The following DPP10 variants were observed in gnomAD, a reference collection of about 807,000 sequenced individuals.
DPP10 encodes dipeptidyl peptidase like 10, also known as inactive dipeptidyl peptidase 10.
Under a neutral mutation model 120.9 loss-of-function variants are expected in DPP10, and 33 were observed. That is an observed-to-expected ratio of 0.27 (90% CI 0.21 to 0.37). The LOEUF (loss-of-function observed/expected upper bound fraction) is 0.37. DPP10 is among the 10% of genes least tolerant of loss of function. DPP10 has a pLI of 1.00. For missense variants in DPP10, 816 were observed against 942.8 expected (o/e 0.87, Z 1.76); for synonymous variants, 337 against 326.1 (o/e 1.03, Z -0.36).
intron 1 of DPP10, among the ~76,000 whole-genome samples, chr2:114,476,127 C>G (rs942601889): frequency 6.6e-6 from 1 of 152,260 alleles, no homozygotes; most frequent in Admixed American, 6.5e-5. Flanking sequence ...TCTATCATTC[C>G]TACTTATTGC....
intron 1 of DPP10, among the ~76,000 whole-genome samples, chr2:114,813,834 A>G (rs1369068126): frequency 2.0e-5 from 3 of 151,888 alleles, no homozygotes; most frequent in Non-Finnish European, 4.4e-5. Flanking sequence ...CATCAAGAAT[A>G]TGCTTGTAAC....
intron 1 of DPP10, among the ~76,000 whole-genome samples, chr2:114,878,418 T>C (rs932705809): frequency 3.9e-5 from 6 of 152,144 alleles, no homozygotes; most frequent in African/African-American, 1.4e-4. Flanking sequence ...ATTTATCATT[T>C]CTTTGTGTTG....
chr2:115,334,246 T>TTTTTTTTTTTTTTTG, intron 2 of DPP10, among the ~76,000 whole-genome samples: 1 of 143,970 alleles, frequency 6.9e-6, no homozygotes. Context: ...TTTTTTTTTT[T>TTTTTTTTTTTTTTTG]AAGAAACCTA....
At chr2:114,861,651 C>G (rs1689815814) in intron 1 of DPP10, among the ~76,000 whole-genome samples, 1 of 152,166 alleles carries the variant, frequency 6.6e-6, no homozygotes, top group African/African-American at 2.4e-5. Context: ...GTTGAATTAA[C>G]AAGCCAGCTG....
chr2:115,200,679 A>G (rs1044334716), intron 1 of DPP10, among the ~76,000 whole-genome samples: 5 of 152,222 alleles, frequency 3.3e-5, no homozygotes, highest in African/African-American at 9.6e-5. Flanking sequence ...ATTTTGACAC[A>G]GAATGTTCTA....
At chr2:114,751,893 G>A (rs1054429973) in intron 1 of DPP10, among the ~76,000 whole-genome samples, 19 of 152,040 alleles carry the variant, frequency 1.2e-4, no homozygotes, top group East Asian at 5.8e-4. Context: ...CTTACCAGTC[G>A]CCCGGGATTT....
intron 3 of DPP10, among the ~76,000 whole-genome samples, chr2:115,456,674 G>A (rs551140909): frequency 6.6e-6 from 1 of 152,176 alleles, no homozygotes; most frequent in South Asian, 2.1e-4. Flanking sequence ...CATGGATGAA[G>A]CTGGAAACCA....
At chr2:115,617,906 A>G (rs913949081) in intron 5 of DPP10, among the ~76,000 whole-genome samples, 3 of 152,164 alleles carry the variant, frequency 2.0e-5, no homozygotes, top group African/African-American at 7.2e-5. Context: ...TATTGTAACA[A>G]TATACTGTAA....
At chr2:115,079,723 A>G (rs1384832715) in intron 1 of DPP10, among the ~76,000 whole-genome samples, 1 of 152,198 alleles carries the variant, frequency 6.6e-6, no homozygotes, top group African/African-American at 2.4e-5. Context: ...GTGAGAGAGA[A>G]GTGTCTAGAG....
At chr2:115,454,100 G>A (rs1400491636) in intron 3 of DPP10, among the ~76,000 whole-genome samples, 1 of 151,426 alleles carries the variant, frequency 6.6e-6, no homozygotes, top group East Asian at 1.9e-4. Context: ...TAAAATAAAA[G>A]CCCTCTATCT....
At chr2:115,024,506 CTTATTT>C (rs1559006256) in intron 1 of DPP10, among the ~76,000 whole-genome samples, 1 of 151,358 alleles carries the variant, frequency 6.6e-6, no homozygotes, top group African/African-American at 2.4e-5. Flanking sequence ...ACATATTTTT[CTTATTT>C]TTATTTATAC....
chr2:115,783,407 T>G (rs1682991993), intron 17 of DPP10, among the ~76,000 whole-genome samples: 1 of 152,166 alleles, frequency 6.6e-6, no homozygotes, highest in African/African-American at 2.4e-5. Context: ...TTGCATACTC[T>G]TATTTAAGTA....
chr2:115,175,464 A>G (rs1261451203), intron 1 of DPP10, among the ~76,000 whole-genome samples: 1 of 152,192 alleles, frequency 6.6e-6, no homozygotes, highest in Non-Finnish European at 1.5e-5. Context: ...AGAGAGAATC[A>G]CCACTTGCAC....
At chr2:115,611,753 T>C (rs1002190572) in intron 5 of DPP10, among the ~76,000 whole-genome samples, 1 of 152,138 alleles carries the variant, frequency 6.6e-6, no homozygotes, top group African/African-American at 2.4e-5. Flanking sequence ...TCAGAAGCTC[T>C]GTGTTAGCCT....
chr2:114,664,327 A>C (rs986879549), intron 1 of DPP10, among the ~76,000 whole-genome samples: 1 of 152,004 alleles, frequency 6.6e-6, no homozygotes, highest in Middle Eastern at 3.4e-3. Context: ...AGTATAGTTC[A>C]GTAGAAAGTC....
intron 3 of DPP10, among the ~76,000 whole-genome samples, chr2:115,387,410 G>T (rs1305293754): frequency 6.6e-6 from 1 of 152,144 alleles, no homozygotes; most frequent in Non-Finnish European, 1.5e-5. Flanking sequence ...AAATTTCTCA[G>T]TAGGCATCTG....
intron 4 of DPP10, among the ~76,000 whole-genome samples, 196 bp downstream of exon 4, chr2:115,499,800 G>C (rs144222031): frequency 2.0e-5 from 3 of 151,720 alleles, no homozygotes; most frequent in African/African-American, 7.3e-5. Context: ...TTTTCTTCCC[G>C]TTTACTCTTG....
At chr2:115,120,600 C>T (rs2049772615) in intron 1 of DPP10, among the ~76,000 whole-genome samples, 1 of 152,212 alleles carries the variant, frequency 6.6e-6, no homozygotes, top group Admixed American at 6.5e-5. Flanking sequence ...AGCAGGCAAG[C>T]AGTACAGTTA....
intron 1 of DPP10, among the ~76,000 whole-genome samples, chr2:115,004,473 G>T (rs1053977416): frequency 6.6e-6 from 1 of 152,192 alleles, no homozygotes; most frequent in African/African-American, 2.4e-5. Flanking sequence ...CATCTCACTA[G>T]GGAGTGCCAG....
Sources: gnomAD v4.1 joint callset for allele counts (sites outside exome capture counted in the v4.1 genomes callset) on GRCh38, gnomAD v4.1.1 for gene constraint, MANE v1.5 for transcripts, NCBI Gene and HGNC (gene_info 2026-07-23, HGNC 2026-07-21) for gene names.